Variants in PRKG1 observed in about 807,000 individuals in gnomAD.
The protein encoded by PRKG1 is protein kinase cGMP-dependent 1, also known as cGMP-dependent protein kinase 1.
In PRKG1, 35 loss-of-function variants were observed where a neutral mutation model predicts 88.1. The observed-to-expected ratio is 0.40, with a 90% CI of 0.30 to 0.53. The LOEUF is 0.53. PRKG1 is among the 20% of genes least tolerant of loss of function. The probability of loss-of-function intolerance (pLI) is 0.59; values close to 1 mark genes in which losing one functional copy is unlikely to be tolerated. For synonymous variants in PRKG1, 303 were observed against 292.5 expected, an observed-to-expected ratio of 1.04 and a Z score of -0.37; for missense variants, 540 against 839.8, an observed-to-expected ratio of 0.64 and a Z score of 4.41.
At chr10:51,810,053 T>A (rs1002031693) in intron 4 of PRKG1, among the ~76,000 whole-genome samples, 1 of 152,140 alleles carries the variant, frequency 6.6e-6, no homozygotes, top group African/African-American at 2.4e-5. Context: ...TGACAACACA[T>A]CAAGTATGCC....
At chr10:52,126,786 T>C (rs1443959752) in intron 7 of PRKG1, among the ~76,000 whole-genome samples, 1 of 152,196 alleles carries the variant, frequency 6.6e-6, no homozygotes, top group Non-Finnish European at 1.5e-5. Context: ...GGACAGAATT[T>C]ACAGTGGTCA....
At chr10:51,330,675 A>C (rs1841717114) in intron 2 of PRKG1, among the ~76,000 whole-genome samples, 1 of 150,962 alleles carries the variant, frequency 6.6e-6, no homozygotes, top group Admixed American at 6.6e-5. Context: ...TTTCTGTTTG[A>C]CTTTTTTCAA....
intron 1 of PRKG1, among the ~76,000 whole-genome samples, chr10:51,043,660 C>T (rs1843453149): frequency 1.3e-5 from 2 of 152,176 alleles, no homozygotes; most frequent in Admixed American, 6.5e-5. Flanking sequence ...TGATTAACCA[C>T]CTATACCACA....
chr10:51,908,734 A>ATATATATT (rs563212069), intron 5 of PRKG1: 4 of 52,232 alleles, frequency 7.7e-5, no homozygotes, highest in African/African-American at 2.3e-4. Flanking sequence ...TCTATATGTA[A>ATATATATT]TTTTTTTTTT....
intron 3 of PRKG1, among the ~76,000 whole-genome samples, chr10:51,553,834 ATATG>A (rs1226783290): frequency 1.0e-5 from 1 of 100,358 alleles, no homozygotes; most frequent in Non-Finnish European, 2.0e-5. Context: ...TGTATATAAT[ATATG>A]TATGTATTAG....
intron 3 of PRKG1, among the ~76,000 whole-genome samples, chr10:51,669,999 A>G (rs565427527): frequency 6.6e-6 from 1 of 152,296 alleles, no homozygotes; most frequent in East Asian, 1.9e-4. Context: ...AAATATGCTT[A>G]TATTTGCCTA....
chr10:51,222,779 C>T (rs1255871550), intron 2 of PRKG1, among the ~76,000 whole-genome samples: 16 of 152,044 alleles, frequency 1.1e-4, no homozygotes, highest in Non-Finnish European at 1.9e-4. Context: ...GTAGGAATTA[C>T]GGTATTCCTG....
intron 3 of PRKG1, among the ~76,000 whole-genome samples, chr10:51,780,790 G>T (rs537125562): frequency 6.6e-6 from 1 of 152,244 alleles, no homozygotes; most frequent in East Asian, 1.9e-4. Flanking sequence ...AACTGCGAAG[G>T]TCATTAAGTT....
At position 52,293,995 on chromosome 10, in the gene PRKG1, C is replaced by T. The variant is rs960501332; in HGVS notation, c.*95C>T. ...GAGGGAAAGAGAGAAGATTAGTGCTCGGGGTCACCATGATGCCTTTGATCG... is the reference window on the plus strand; with the variant it reads ...GAGGGAAAGAGAGAAGATTAGTGCTTGGGGTCACCATGATGCCTTTGATCG... On this transcript the variant is annotated 3_prime_UTR_variant, in exon 18 of 18. Transcript: ENST00000373980. 5.8e-6 allele frequency: 6 copies of T among 1,026,188 alleles called. No individual in the cohort carries two copies. The highest frequency in any genetic ancestry group is 2.9e-5 in the South Asian group (2 of 68,876). 63.6% of individuals were successfully genotyped at this position (1,026,188 alleles called of 1,614,324 possible).
chr10:51,861,269 A>G (rs1038539915), intron 4 of PRKG1, among the ~76,000 whole-genome samples: 12 of 152,298 alleles, frequency 7.9e-5, no homozygotes, highest in Admixed American at 5.2e-4. Context: ...GTAGAAAAAT[A>G]GAATTTATGT....
chr10:52,062,816 G>A (rs1338920752), intron 7 of PRKG1, 185 bp downstream of exon 7: 2 of 721,792 alleles, frequency 2.8e-6, no homozygotes, highest in African/African-American at 3.5e-5. Context: ...TGAATACGTT[G>A]TGGAATAAAT....
intron 9 of PRKG1, among the ~76,000 whole-genome samples, chr10:52,222,226 C>A (rs1057428170): frequency 1.3e-5 from 2 of 152,114 alleles, no homozygotes; most frequent in African/African-American, 4.8e-5. Flanking sequence ...CATGGGAGCA[C>A]GTGTGAAACA....
At chr10:51,101,646 T>G (rs1467177600) in intron 1 of PRKG1, among the ~76,000 whole-genome samples, 3 of 152,166 alleles carry the variant, frequency 2.0e-5, no homozygotes, top group Non-Finnish European at 4.4e-5. Flanking sequence ...AAATAATGAG[T>G]ATTTTTTATA....
At chr10:51,004,475 CAAAACAAAAACAA>C (rs1752321681) in intron 1 of PRKG1, among the ~76,000 whole-genome samples, 1 of 151,812 alleles carries the variant, frequency 6.6e-6, no homozygotes, top group African/African-American at 2.4e-5. Flanking sequence ...CAGAACAAAA[CAAAACAAAAACAA>C]AAAACAAAAC....
chr10:51,380,963 C>T (rs1420431262), intron 2 of PRKG1, among the ~76,000 whole-genome samples: 1 of 152,032 alleles, frequency 6.6e-6, no homozygotes, highest in Non-Finnish European at 1.5e-5. Flanking sequence ...ACCAGACACC[C>T]ATCTTGCAAG....
chr10:51,130,837 G>A (rs1337562417), intron 1 of PRKG1, among the ~76,000 whole-genome samples: 1 of 152,078 alleles, frequency 6.6e-6, no homozygotes, highest in South Asian at 2.1e-4. Flanking sequence ...GGGAGGCAGA[G>A]GTTGCAGTGA....
chr10:51,152,874 A>C (rs1392983733), intron 1 of PRKG1, among the ~76,000 whole-genome samples: 1 of 151,956 alleles, frequency 6.6e-6, no homozygotes, highest in Non-Finnish European at 1.5e-5. Flanking sequence ...GTGATTAAGA[A>C]AAAGTCTAAA....
chr10:51,596,679 T>C (rs1838457144), intron 3 of PRKG1, among the ~76,000 whole-genome samples: 1 of 152,188 alleles, frequency 6.6e-6, no homozygotes, highest in Non-Finnish European at 1.5e-5. Context: ...CACTTGGCTT[T>C]TTGGAACAGC....
chr10:51,752,235 T>G (rs2132511347), intron 3 of PRKG1, among the ~76,000 whole-genome samples: 1 of 152,346 alleles, frequency 6.6e-6, no homozygotes. Context: ...GTCACTTCTC[T>G]TCTATGTTGG....
Sources: gnomAD v4.1 joint callset for allele counts (sites outside exome capture counted in the v4.1 genomes callset) on GRCh38, gnomAD v4.1.1 for gene constraint, MANE v1.5 for transcripts, NCBI Gene and HGNC (gene_info 2026-07-23, HGNC 2026-07-21) for gene names.